TRIM61: variants seen among roughly 807,000 people sequenced by gnomAD.
The protein encoded by TRIM61 is putative tripartite motif-containing protein 61.
Under a neutral mutation model 14.2 loss-of-function variants are expected in TRIM61, and 1 was observed. That is an observed-to-expected ratio of 0.07 (90% CI 0.03 to 0.33). The LOEUF is 0.33. Ranked by LOEUF, TRIM61 falls within the 10% of genes least tolerant of loss-of-function variation. TRIM61 has a pLI of 0.99. For synonymous variants in TRIM61, 8 were observed against 71.6 expected, an observed-to-expected ratio of 0.11 and a Z score of 4.49; for missense variants, 19 against 202.2, an observed-to-expected ratio of 0.09 and a Z score of 5.49.
chr4:164,955,334 C>T (rs1446548322), intron 3 of TRIM61, among the ~76,000 whole-genome samples: 1 of 151,926 alleles, frequency 6.6e-6, no homozygotes, highest in African/African-American at 2.4e-5. Context: ...ATTAAACAGT[C>T]AACAGAAGAA....
At chr4:164,967,023 A>G (rs1251326291) in intron 3 of TRIM61, among the ~76,000 whole-genome samples, 1 of 152,238 alleles carries the variant, frequency 6.6e-6, no homozygotes, top group East Asian at 1.9e-4. Context: ...ATCTCTACGG[A>G]AACTCCAATG....
intron 3 of TRIM61, among the ~76,000 whole-genome samples, chr4:164,959,338 TC>T (rs1374043357): frequency 2.0e-5 from 3 of 152,224 alleles, no homozygotes; most frequent in East Asian, 3.9e-4. Context: ...CTAAGAATTA[TC>T]TTTTATCTTC....
chr4:164,960,960 G>T (rs1160197998), intron 3 of TRIM61, among the ~76,000 whole-genome samples: 1 of 151,672 alleles, frequency 6.6e-6, no homozygotes, highest in Non-Finnish European at 1.5e-5. Context: ...CAAAAAAAAT[G>T]TATACATATA....
chr4:164,966,490 T>A (rs1732244902), intron 3 of TRIM61, among the ~76,000 whole-genome samples: 1 of 151,980 alleles, frequency 6.6e-6, no homozygotes, highest in African/African-American at 2.4e-5. Context: ...TAAAAGTAAA[T>A]ACCAAAAGAG....
At chr4:164,974,413 T>C (rs1343398384) in intron 2 of TRIM61, among the ~76,000 whole-genome samples, 1 of 152,188 alleles carries the variant, frequency 6.6e-6, no homozygotes, top group African/African-American at 2.4e-5. Flanking sequence ...TAACTTCAGA[T>C]AGAATCGAAA....
chr4:164,972,533 G>A (rs1732393085), intron 2 of TRIM61, among the ~76,000 whole-genome samples: 1 of 152,174 alleles, frequency 6.6e-6, no homozygotes, highest in African/African-American at 2.4e-5. Context: ...CTGTGGCCCA[G>A]GCTTGAGTGC....
chr4:164,971,239 T>C (rs1579149396), intron 2 of TRIM61, among the ~76,000 whole-genome samples: 1 of 152,110 alleles, frequency 6.6e-6, no homozygotes, highest in Non-Finnish European at 1.5e-5. Flanking sequence ...TTAGGAGATA[T>C]ATCTATATAC....
chr4:164,973,596 A>G (rs928208497), intron 2 of TRIM61, among the ~76,000 whole-genome samples: 1 of 152,352 alleles, frequency 6.6e-6, no homozygotes, highest in East Asian at 1.9e-4. Context: ...AGCTACATGT[A>G]CTTGGTCAAG....
At chr4:164,965,307 AAACTT>A (rs2111141153) in intron 3 of TRIM61, among the ~76,000 whole-genome samples, 1 of 152,188 alleles carries the variant, frequency 6.6e-6, no homozygotes, top group South Asian at 2.1e-4. Context: ...CAAAAACAAA[AAACTT>A]AAATTGAAGC....
intron 3 of TRIM61, chr4:164,959,236 A>G (rs1317450973): frequency 6.1e-6 from 1 of 164,054 alleles, no homozygotes; most frequent in Non-Finnish European, 1.5e-5. Flanking sequence ...ATAGTGCTCA[A>G]TCTCCTGAAG....
intron 3 of TRIM61, among the ~76,000 whole-genome samples, chr4:164,967,670 G>GTT (rs950791656): frequency 2.6e-5 from 4 of 152,048 alleles, no homozygotes; most frequent in Non-Finnish European, 4.4e-5. Flanking sequence ...AAAAAATAAA[G>GTT]TAAGTTACTT....
At chr4:164,963,164 T>C (rs1732172013) in intron 3 of TRIM61, among the ~76,000 whole-genome samples, 1 of 151,688 alleles carries the variant, frequency 6.6e-6, no homozygotes, top group Non-Finnish European at 1.5e-5. Context: ...AGAGTAGGAG[T>C]TTGGGGCTGC....
chr4:164,961,153 CAAAAAAAAAAAAAAAAAA>C (rs762554625), intron 3 of TRIM61, among the ~76,000 whole-genome samples: 66 of 31,712 alleles, frequency 2.1e-3, no homozygotes, highest in South Asian at 3.6e-3. Context: ...AACTCTCAGG[CAAAAAAAAAAAAAAAAAA>C]AAAAAAAAAA....
intron 2 of TRIM61, among the ~76,000 whole-genome samples, chr4:164,972,298 T>G (rs985129736): frequency 3.3e-5 from 5 of 152,242 alleles, no homozygotes; most frequent in African/African-American, 1.2e-4. Flanking sequence ...CTCTTTTTCT[T>G]ATAAGAATAT....
intron 3 of TRIM61, among the ~76,000 whole-genome samples, chr4:164,960,697 T>G (rs1732113091): frequency 6.6e-6 from 1 of 152,154 alleles, no homozygotes; most frequent in Non-Finnish European, 1.5e-5. Context: ...ATGCCCATAA[T>G]CCCATCACTT....
At chr4:164,962,117 T>G (rs1732149142) in intron 3 of TRIM61, among the ~76,000 whole-genome samples, 1 of 152,156 alleles carries the variant, frequency 6.6e-6, no homozygotes, top group South Asian at 2.1e-4. Flanking sequence ...AAACACTGTT[T>G]TGCAGTGCAT....
At chr4:164,965,624 G>A (rs1346881914) in intron 3 of TRIM61, among the ~76,000 whole-genome samples, 2 of 151,826 alleles carry the variant, frequency 1.3e-5, no homozygotes, top group African/African-American at 4.8e-5. Flanking sequence ...TAGTAGAGAT[G>A]GGGTTTCACT....
At chr4:164,968,687 T>C (rs1560886219) in intron 3 of TRIM61, 7 of 984,958 alleles carry the variant, frequency 7.1e-6, no homozygotes, top group African/African-American at 1.7e-5. Context: ...ATTAAAAGTA[T>C]AGAGAAGAGA....
Position 164,954,720 on chromosome 4 carries a change from G to A in TRIM61, c.*65C>T, listed in dbSNP as rs1038099556. ...CCCAGCACTTTGGGAGGTCAAGGCA[G>A]GAAGATCGCTTGAGGTCAGGAGTTC... is the stretch of plus-strand genomic sequence containing the variant. On this transcript the variant is annotated 3_prime_UTR_variant, in exon 5 of 5. Coordinates refer to ENST00000329314, the MANE Select transcript of TRIM61 (RefSeq NM_001012414.3). The A allele has an allele frequency of 2.0e-5, 3 of 153,598 alleles. No homozygotes were observed. The highest frequency in any genetic ancestry group is 4.8e-5 in the African/African-American group (2 of 41,446). 9.5% of individuals were successfully genotyped at this position (153,598 alleles called of 1,614,324 possible). A position where few individuals can be genotyped will look rare whatever the true frequency, so the allele number is the denominator to read the frequency against.
Sources: allele counts gnomAD v4.1 joint callset (sites outside exome capture counted in the v4.1 genomes callset), GRCh38; gene constraint gnomAD v4.1.1; transcripts MANE v1.5; gene names NCBI Gene and HGNC (gene_info 2026-07-23, HGNC 2026-07-21).